CST7: variants seen among roughly 807,000 people sequenced by gnomAD.
CST7 encodes the protein cystatin F.
In CST7, 15 loss-of-function variants were observed where a neutral mutation model predicts 13.1. The ratio of observed to expected loss-of-function variants is 1.14; its 90% CI spans 0.77 to 1.76. The LOEUF (loss-of-function observed/expected upper bound fraction) is 1.76. Among genes scored for constraint, CST7 ranks in the 40% most tolerant of loss-of-function variants. CST7 has a pLI of 0.00. For missense variants in CST7, 193 were observed against 178.8 expected (o/e 1.08, Z -0.45); for synonymous variants, 75 against 66.9 (o/e 1.12, Z -0.59).
Position 24,957,396 on chromosome 20 carries a change from C to T in CST7, c.180C>T (p.Phe60=). 6.2e-7 allele frequency: 1 copy of T among 1,613,756 alleles called. No homozygotes were observed. Among genetic ancestry groups the T allele is most frequent in the Non-Finnish European group, 8.5e-7 (1 of 1,179,790 alleles). The change falls in exon 2 of 4, where the codon TTC becomes TTT. Residue 60 remains phenylalanine, a synonymous_variant. Transcript: ENST00000480798. ...CAGCCAGATACAGTGTTGAAAAGTT[C>T]AACAACTGCACGAACGACATGTTCT... is the stretch of plus-strand genomic sequence containing the variant. The part of the protein sequence containing the change: ...LQAARYSVEK[F]NNCTNDMFLF...
At position 24,953,567 on chromosome 20, in the gene CST7, G is replaced by A. The variant is rs1398990019; in HGVS notation, c.71-3720G>A. 2.0e-5 allele frequency among the ~76,000 whole-genome samples: 3 copies of A among 152,166 alleles called. No individual in the cohort carries two copies. In the East Asian group the frequency reaches 5.8e-4, roughly 29 times the overall value. On this transcript the variant is annotated intron_variant, in intron 1 of 3. Transcript: ENST00000480798. ...GTTTCATTTGCCTTCCTGTGACCATGTGTCCTGGGGCCTGCTCAGCACCTG... is the reference window on the plus strand; with the variant it reads ...GTTTCATTTGCCTTCCTGTGACCATATGTCCTGGGGCCTGCTCAGCACCTG...
Position 24,959,702 on chromosome 20 carries a change from G to A in CST7, c.428G>A (p.Arg143His), listed in dbSNP as rs753423813. The A allele has an allele frequency of 6.1e-5, 98 of 1,613,844 alleles. No individual in the cohort carries two copies. The highest frequency in any genetic ancestry group is 6.8e-5 in the Non-Finnish European group (80 of 1,179,980). The change falls in exon 4 of 4, where the codon CGT becomes CAT. Residue 143 changes from arginine (R) to histidine (H), a missense_variant. Arg to His is a conservative substitution (Grantham distance 29, BLOSUM62 0). Transcript: ENST00000480798. ...CAGCACTTCGAGGTGCCTGTTCTCC[G>A]TTGTCACTGACCCCCGCCTCTTCAG... is the stretch of plus-strand genomic sequence containing the variant. ...WLQHFEVPVL[R>H]CH
At chr20:24,949,691 G>A (rs1049907490) in intron 1 of CST7, 116 bp downstream of exon 1, 64 of 1,325,660 alleles carry the variant, frequency 4.8e-5, no homozygotes, top group Middle Eastern at 1.9e-4. Flanking sequence ...AGGACCATGC[G>A]GTGGTGAGAG....
chr20:24,956,485 GCCCCC>G (rs1386468503), intron 1 of CST7, among the ~76,000 whole-genome samples: 1 of 152,166 alleles, frequency 6.6e-6, no homozygotes, highest in Non-Finnish European at 1.5e-5. Flanking sequence ...TGTGGGGGAG[GCCCCC>G]GATGCTGCTT....
rs141449868 is a variant in CST7, at chr20:24,949,483, G to A, written c.-23G>A. ...CTGCACGGCCACCCCCAACTGCCCC[G>A]CACTGTCCCTACCCGGGCAGCCATG... On this transcript the variant is annotated 5_prime_UTR_variant, in exon 1 of 4. Transcript: ENST00000480798. The A allele has an allele frequency of 4.5e-5, 72 of 1,614,018 alleles. No individual in the cohort carries two copies. Among genetic ancestry groups the A allele is most frequent in the African/African-American group, 3.5e-4 (26 of 75,074 alleles).
intron 1 of CST7, among the ~76,000 whole-genome samples, chr20:24,954,641 G>A (rs1398685683): frequency 1.3e-5 from 2 of 152,178 alleles, no homozygotes; most frequent in Non-Finnish European, 2.9e-5. Flanking sequence ...AAGGTTTATT[G>A]ACTTGAAGCC....
At chr20:24,956,310 C>T (rs899753913) in intron 1 of CST7, among the ~76,000 whole-genome samples, 14 of 152,176 alleles carry the variant, frequency 9.2e-5, no homozygotes, top group African/African-American at 3.4e-4. Context: ...TTGACACTGA[C>T]GTCCTGGCAA....
Position 24,949,497 on chromosome 20 carries a change from C to A in CST7, c.-9C>A. 1 of 1,614,120 alleles carries A rather than the reference C, an allele frequency of 6.2e-7. No homozygotes were observed. The highest frequency in any genetic ancestry group is 8.5e-7 in the Non-Finnish European group (1 of 1,180,032). On this transcript the variant is annotated 5_prime_UTR_variant, in exon 1 of 4. Coordinates refer to ENST00000480798, the MANE Select transcript of CST7 (RefSeq NM_003650.4). ...CCAACTGCCCCGCACTGTCCCTACC[C>A]GGGCAGCCATGCGAGCGGCTGGAAC...
In CST7 at chr20:24,959,011, CTG is replaced by C. The variant is rs764895498; in HGVS notation, c.330_331del (p.Cys110Ter). 3.1e-6 allele frequency: 5 copies of C among 1,614,002 alleles called. No individual in the cohort carries two copies. The highest frequency in any genetic ancestry group is 4.2e-6 in the Non-Finnish European group (5 of 1,179,884). On this transcript the variant is annotated frameshift_variant, in exon 3 of 4. Transcript: ENST00000480798. LOFTEE classifies it high-confidence loss of function. ...AAAACCAGCACCTGCGTCTGGATGA[CTG>C]TGACTTCCAAACCAACCACACCTTG... ...KKNQHLRLDD[C>X]DFQTNHTLKQ...
At chr20:24,950,521 G>A (rs6114954) in intron 1 of CST7, among the ~76,000 whole-genome samples, 13,677 of 152,268 alleles carry the variant, frequency 0.09, 699 homozygotes, top group Middle Eastern at 0.12. Flanking sequence ...GGCCTAGGGC[G>A]GACGCTGCGA....
rs1442942473 is a variant in CST7, at chr20:24,959,763, C to T, written c.*51C>T. 1.3e-6 allele frequency: 2 copies of T among 1,547,826 alleles called. No individual in the cohort carries two copies. Among genetic ancestry groups the T allele is most frequent in the East Asian group, 2.2e-5 (1 of 44,558 alleles). On this transcript the variant is annotated 3_prime_UTR_variant, in exon 4 of 4. Transcript: ENST00000480798. ...GCCATGACAAACACCAGGATGCATG[C>T]TCCTTGTCCCCTCCCACCCGCCTCA...
chr20:24,956,479 G>T lies in CST7; in HGVS notation c.71-808G>T, dbSNP rs532546566. Among the ~76,000 whole-genome samples, 16 of 152,298 alleles carry T rather than the reference G, an allele frequency of 1.1e-4. No homozygotes were observed. The South Asian group carries it at 3.3e-3, about 32-fold the overall frequency. On this transcript the variant is annotated intron_variant, in intron 1 of 3. Transcript: ENST00000480798. Reference sequence around the variant, plus strand: ...ACAGATACTAGGGGACATGACTGTGGGGGAGGCCCCCGATGCTGCTTCCCC... The same window carrying T: ...ACAGATACTAGGGGACATGACTGTGTGGGAGGCCCCCGATGCTGCTTCCCC...
intron 1 of CST7, among the ~76,000 whole-genome samples, chr20:24,955,055 C>CAA (rs201760088): frequency 2.7e-4 from 12 of 45,270 alleles, no homozygotes; most frequent in South Asian, 7.4e-4. Flanking sequence ...ACAACAACAA[C>CAA]AAAAAAAAAC....
intron 1 of CST7, among the ~76,000 whole-genome samples, chr20:24,955,043 C>T (rs915172663): frequency 1.4e-5 from 1 of 73,220 alleles, no homozygotes; most frequent in Non-Finnish European, 2.4e-5. Flanking sequence ...AGCAAAACAA[C>T]AACAACAACA....
In CST7 at chr20:24,949,313, T is replaced by A; in HGVS notation, c.-193T>A. ...GAAGGCTCAGCACAGGCACAAACCA[T>A]TGCCCGGCACTGGCCCGTGCTGCCT... is the stretch of plus-strand genomic sequence containing the variant. On this transcript the variant is annotated 5_prime_UTR_variant, in exon 1 of 4. The change creates a new upstream start codon in the 5' untranslated region. Coordinates refer to ENST00000480798, the MANE Select transcript of CST7 (RefSeq NM_003650.4). The A allele has an allele frequency of 2.7e-6, 4 of 1,486,754 alleles. No individual in the cohort carries two copies. The highest frequency in any genetic ancestry group is 2.3e-5 in the East Asian group (1 of 42,980). The allele number at this position is 1,486,754 out of a possible 1,614,324, so 92.1% of individuals were successfully genotyped here.
chr20:24,954,800 C>T (rs1440278138), intron 1 of CST7, among the ~76,000 whole-genome samples: 2 of 152,114 alleles, frequency 1.3e-5, no homozygotes, highest in African/African-American at 4.8e-5. Context: ...CTGAGTTTCA[C>T]TTCATTTTTA....
intron 1 of CST7, among the ~76,000 whole-genome samples, chr20:24,955,450 T>C (rs2087847555): frequency 6.6e-6 from 1 of 150,532 alleles, no homozygotes; most frequent in Non-Finnish European, 1.5e-5. Flanking sequence ...TAAAGTCTTT[T>C]TTTTTTTTTT....
chr20:24,957,246 A>G, intron 1 of CST7, 41 bp from the exon 2 acceptor site: 4 of 1,593,912 alleles, frequency 2.5e-6, no homozygotes, highest in Non-Finnish European at 3.4e-6. Flanking sequence ...TGAAGGCCCC[A>G]CTAACATCAG....
chr20:24,957,255 A>G (rs780077982), intron 1 of CST7, 32 bp from the exon 2 acceptor site: 2 of 1,601,920 alleles, frequency 1.2e-6, no homozygotes, highest in South Asian at 1.1e-5. Context: ...CACTAACATC[A>G]GTGTTCTTGT....
Sources: allele counts gnomAD v4.1 joint callset (sites outside exome capture counted in the v4.1 genomes callset), GRCh38; gene constraint gnomAD v4.1.1; transcripts MANE v1.5; gene names NCBI Gene and HGNC (gene_info 2026-07-23, HGNC 2026-07-21).